Variants in DYNC2I2 observed in about 807,000 individuals in gnomAD.
DYNC2I2 encodes cytoplasmic dynein 2 intermediate chain 2.
In DYNC2I2, 39 loss-of-function variants were observed where a neutral mutation model predicts 52.0. That is an observed-to-expected ratio of 0.75 (90% CI 0.58 to 0.98). DYNC2I2 has a LOEUF of 0.98. DYNC2I2 is among the 50% of genes least tolerant of loss of function. DYNC2I2 has a pLI of 0.00. For synonymous variants in DYNC2I2, 359 were observed against 321.1 expected, an observed-to-expected ratio of 1.12 and a Z score of -1.26; for missense variants, 743 against 728.4, an observed-to-expected ratio of 1.02 and a Z score of -0.23.
the DYNC2I2 span, among the ~76,000 whole-genome samples, chr9:128,669,232 G>A: frequency 6.6e-6 from 1 of 152,078 alleles, no homozygotes; most frequent in African/African-American, 2.4e-5. Flanking sequence ...AGGCGTGGTG[G>A]CATGCGCCTG....
chr9:128,645,733 T>G (rs951336581), intron 1 of DYNC2I2, among the ~76,000 whole-genome samples: 1 of 151,520 alleles, frequency 6.6e-6, no homozygotes, highest in African/African-American at 2.4e-5. Context: ...CTAGACATGA[T>G]TAAGCTTAGT....
chr9:128,656,965 C>T (rs1860842612), upstream of DYNC2I2, among the ~76,000 whole-genome samples: 1 of 152,264 alleles, frequency 6.6e-6, no homozygotes, highest in Non-Finnish European at 1.5e-5. Context: ...CGCGCTACTC[C>T]TGGGCGAGGA....
chr9:128,677,479 C>T, the DYNC2I2 span, among the ~76,000 whole-genome samples: 3 of 151,436 alleles, frequency 2.0e-5, no homozygotes, highest in African/African-American at 7.3e-5. Context: ...AGTGAGACTC[C>T]ATCTCAAAAG....
At chr9:128,642,025 C>T (rs888817887) in intron 1 of DYNC2I2, among the ~76,000 whole-genome samples, 2 of 152,040 alleles carry the variant, frequency 1.3e-5, no homozygotes, top group East Asian at 3.9e-4. Flanking sequence ...CGGTGGCTCA[C>T]GCCTGTAATC....
At position 128,633,802 on chromosome 9, in the gene DYNC2I2, TC is replaced by T. The variant is rs1256338462; in HGVS notation, c.1552del (p.Glu518AsnfsTer?). ...GTCCTCAGCTTCCCGGGGCCCTTGT[TC>T]CGTGAACTCTGTGCTCAGCTGCCAC... Reference protein sequence around the residue: ...KVWQLSTEFTEQGPREAEDLD... With the variant: ...KVWQLSTEFTXQGPREAEDLD... On this transcript the variant is annotated frameshift_variant, in exon 9 of 9. Transcript: ENST00000372715. LOFTEE classifies it high-confidence loss of function. The T allele has an allele frequency of 1.2e-6, 2 of 1,613,452 alleles. No homozygotes were observed. The highest frequency in any genetic ancestry group is 1.1e-5 in the South Asian group (1 of 91,086).
intron 1 of DYNC2I2, among the ~76,000 whole-genome samples, chr9:128,643,172 T>C (rs888874286): frequency 2.6e-5 from 4 of 151,762 alleles, no homozygotes; most frequent in African/African-American, 9.7e-5. Context: ...ATCACTTGAG[T>C]CTAGGAGTTT....
At chr9:128,647,743 A>G (rs970232790) in intron 1 of DYNC2I2, among the ~76,000 whole-genome samples, 1 of 151,630 alleles carries the variant, frequency 6.6e-6, no homozygotes, top group Non-Finnish European at 1.5e-5. Context: ...AAAAAAAAAA[A>G]AAAAAAAAGC....
intron 1 of DYNC2I2, among the ~76,000 whole-genome samples, chr9:128,645,960 A>G (rs1396788778): frequency 6.6e-6 from 1 of 152,200 alleles, no homozygotes; most frequent in Non-Finnish European, 1.5e-5. Context: ...GACACACCAT[A>G]ACCCAGAGCA....
upstream of DYNC2I2, among the ~76,000 whole-genome samples, chr9:128,658,131 A>C (rs949450989): frequency 6.6e-6 from 1 of 151,926 alleles, no homozygotes; most frequent in Non-Finnish European, 1.5e-5. Context: ...ATAATAAAAA[A>C]ATTCTAAAAA....
At chr9:128,652,984 T>C (rs947669371) in intron 1 of DYNC2I2, among the ~76,000 whole-genome samples, 5 of 148,218 alleles carry the variant, frequency 3.4e-5, no homozygotes, top group African/African-American at 1.3e-4. Context: ...CCCCAAGCAG[T>C]TTGGGAGGCT....
chr9:128,660,147 C>T (rs1184052831), upstream of DYNC2I2, among the ~76,000 whole-genome samples: 6 of 151,650 alleles, frequency 4.0e-5, no homozygotes, highest in South Asian at 2.1e-4. Context: ...CTCGCTCTGT[C>T]GCCCAGGCTG....
At chr9:128,644,977 G>A (rs1589433766) in intron 1 of DYNC2I2, among the ~76,000 whole-genome samples, 1 of 152,290 alleles carries the variant, frequency 6.6e-6, no homozygotes, top group East Asian at 1.9e-4. Context: ...CGTGTGATTT[G>A]ACGGCTCCAC....
the DYNC2I2 span, among the ~76,000 whole-genome samples, chr9:128,670,213 C>T: frequency 6.6e-6 from 1 of 151,700 alleles, no homozygotes; most frequent in Non-Finnish European, 1.5e-5. Flanking sequence ...GCCCAAGGGG[C>T]GGATCACCGG....
At chr9:128,636,788 A>G in intron 3 of DYNC2I2, 130 bp downstream of exon 3, 1 of 714,638 alleles carries the variant, frequency 1.4e-6, no homozygotes, top group South Asian at 1.7e-5. Flanking sequence ...CTGCCCAGGA[A>G]GGCTTGAGAA....
intron 1 of DYNC2I2, among the ~76,000 whole-genome samples, chr9:128,642,076 A>G (rs1344220434): frequency 6.6e-6 from 1 of 151,898 alleles, no homozygotes; most frequent in Non-Finnish European, 1.5e-5. Flanking sequence ...TCACAAGATC[A>G]GGAGATCAAG....
chr9:128,682,932 T>C, the DYNC2I2 span, among the ~76,000 whole-genome samples: 1 of 149,848 alleles, frequency 6.7e-6, no homozygotes, highest in Non-Finnish European at 1.5e-5. Flanking sequence ...TGCCTCAGCC[T>C]CCCAAAGTGC....
intron 7 of DYNC2I2, 31 bp downstream of exon 7, chr9:128,634,658 C>G (rs762165301): frequency 6.7e-7 from 1 of 1,494,672 alleles, no homozygotes; most frequent in South Asian, 1.3e-5. Context: ...GACACCCTGG[C>G]CCCACTGTGC....
the DYNC2I2 span, among the ~76,000 whole-genome samples, chr9:128,681,312 A>G: frequency 6.6e-6 from 1 of 151,862 alleles, no homozygotes; most frequent in African/African-American, 2.4e-5. Flanking sequence ...GCTGGTCTTA[A>G]ACTCCTGACC....
chr9:128,634,622 G>C, intron 7 of DYNC2I2, 67 bp downstream of exon 7: 1 of 1,435,662 alleles, frequency 7.0e-7, no homozygotes, highest in Non-Finnish European at 9.3e-7. Context: ...CATGAGGCTT[G>C]GCAGGCTAGA....
Sources: gnomAD v4.1 joint callset for allele counts (sites outside exome capture counted in the v4.1 genomes callset) on GRCh38, gnomAD v4.1.1 for gene constraint, MANE v1.5 for transcripts, NCBI Gene and HGNC (gene_info 2026-07-23, HGNC 2026-07-21) for gene names.